ARHGAP24: variants seen among roughly 807,000 people sequenced by gnomAD.
The protein encoded by ARHGAP24 is rho GTPase-activating protein 24.
A neutral mutation model predicts 76.4 loss-of-function variants in ARHGAP24; 50 were observed. The observed-to-expected ratio is 0.65, with a 90% CI of 0.52 to 0.83. The LOEUF (loss-of-function observed/expected upper bound fraction) is 0.83, where lower values mean the gene tolerates loss of function less well. Ranked by LOEUF, ARHGAP24 falls within the 40% of genes least tolerant of loss-of-function variation. ARHGAP24 has a pLI of 0.00. For missense variants in ARHGAP24, 930 were observed against 914.2 expected (o/e 1.02, Z -0.22); for synonymous variants, 345 against 323.3 (o/e 1.07, Z -0.72).
chr4:85,595,795 C>A (rs1333871777), intron 2 of ARHGAP24, among the ~76,000 whole-genome samples: 1 of 151,970 alleles, frequency 6.6e-6, no homozygotes, highest in Non-Finnish European at 1.5e-5. Context: ...TATTCACTTC[C>A]TAAGGAGTCT....
At position 86,002,195 on chromosome 4, in the gene ARHGAP24, A is replaced by C. The variant is rs779505383; in HGVS notation, c.*1473A>C. 9.2e-5 allele frequency: 14 copies of C among 152,204 alleles called. No individual in the cohort carries two copies. The highest frequency in any genetic ancestry group is 1.8e-4 in the Non-Finnish European group (12 of 68,046). The allele number at this position is 152,204 out of a possible 1,614,324, so 9.4% of individuals were successfully genotyped here. ...TGGGGTTTGTGTTGTTTGAAGGTTC[A>C]ATGCTTGCATGTGTTTATTTATTTT... On this transcript the variant is annotated 3_prime_UTR_variant, in exon 10 of 10. Coordinates refer to ENST00000395184, the MANE Select transcript of ARHGAP24 (RefSeq NM_001025616.3).
intron 2 of ARHGAP24, among the ~76,000 whole-genome samples, chr4:85,576,297 G>C (rs1055914394): frequency 3.3e-5 from 5 of 152,154 alleles, no homozygotes; most frequent in African/African-American, 1.2e-4. Flanking sequence ...GGGCATGGTG[G>C]CGGGCGCCTG....
chr4:85,662,360 G>T (rs1384092553), intron 2 of ARHGAP24, among the ~76,000 whole-genome samples: 2 of 150,872 alleles, frequency 1.3e-5, no homozygotes, highest in South Asian at 2.1e-4. Flanking sequence ...TTTTTGATGG[G>T]GTTGTTTGTT....
rs141260742 is a variant in ARHGAP24, at chr4:85,644,134, T to C, written c.180+73413T>C. Among the ~76,000 whole-genome samples, 5 of 152,296 alleles carry C rather than the reference T, an allele frequency of 3.3e-5. No individual in the cohort carries two copies. In the East Asian group the frequency reaches 9.7e-4, roughly 29 times the overall value. On this transcript the variant is annotated intron_variant, in intron 2 of 9. Coordinates refer to ENST00000395184, the MANE Select transcript of ARHGAP24 (RefSeq NM_001025616.3). ...ATGTGAAGGGCAAGTGACTTAAACT[T>C]TGCTGTTTCAGATTTCTCAACTATA... is the stretch of plus-strand genomic sequence containing the variant.
At chr4:85,983,960 T>C (rs1276392730) in intron 8 of ARHGAP24, among the ~76,000 whole-genome samples, 1 of 152,238 alleles carries the variant, frequency 6.6e-6, no homozygotes, top group African/African-American at 2.4e-5. Flanking sequence ...TCAATAAATA[T>C]TCATTAAGCA....
chr4:85,901,988 C>G lies in ARHGAP24; in HGVS notation c.269-21660C>G, dbSNP rs186124524. Among the ~76,000 whole-genome samples the G allele has an allele frequency of 3.7e-4, 56 of 152,192 alleles. 1 individual carries two copies. The highest frequency in any genetic ancestry group is 6.5e-4 in the Non-Finnish European group (44 of 67,988). ...TCTCCCTCCCCTTGCACTCCACCCCCCAACAGGCCTTGGTATGTGATGGTC... is the reference window on the plus strand; with the variant it reads ...TCTCCCTCCCCTTGCACTCCACCCCGCAACAGGCCTTGGTATGTGATGGTC... On this transcript the variant is annotated intron_variant, in intron 3 of 9. Coordinates refer to ENST00000395184, the MANE Select transcript of ARHGAP24 (RefSeq NM_001025616.3).
Position 85,490,685 on chromosome 4 carries a change from G to T in ARHGAP24, c.-21+15126G>T, listed in dbSNP as rs1578182594. On this transcript the variant is annotated intron_variant, in intron 1 of 9. Transcript: ENST00000395184. Reference sequence around the variant, plus strand: ...TTGAGGAAGGTTTTAATTAGCCCTAGCTCTTATTAGAATGATGCATTTACC... The same window carrying T: ...TTGAGGAAGGTTTTAATTAGCCCTATCTCTTATTAGAATGATGCATTTACC... Among the ~76,000 whole-genome samples the T allele has an allele frequency of 2.0e-5, 3 of 152,270 alleles. No individual in the cohort carries two copies. In the East Asian group the frequency reaches 5.8e-4, roughly 29 times the overall value.
At chr4:85,830,374 GCCACTGTGT>G (rs1363873376) in intron 3 of ARHGAP24, among the ~76,000 whole-genome samples, 1 of 152,190 alleles carries the variant, frequency 6.6e-6, no homozygotes, top group Non-Finnish European at 1.5e-5. Flanking sequence ...GGCAGCAAGG[GCCACTGTGT>G]CCATCGTGCC....
At chr4:85,613,810 TAGCCTCCTAGAAAGG>T (rs1348618172) in intron 2 of ARHGAP24, among the ~76,000 whole-genome samples, 1 of 152,218 alleles carries the variant, frequency 6.6e-6, no homozygotes, top group African/African-American at 2.4e-5. Flanking sequence ...TTCATTTTTC[TAGCCTCCTAGAAAGG>T]AGCTTCATGG....
chr4:85,828,204 G>A (rs1012624695), intron 3 of ARHGAP24, among the ~76,000 whole-genome samples: 4 of 152,156 alleles, frequency 2.6e-5, no homozygotes, highest in East Asian at 1.9e-4. Flanking sequence ...AAATGTGATC[G>A]TTATAGTGCA....
chr4:85,603,522 ATG>A (rs767029735), intron 2 of ARHGAP24, among the ~76,000 whole-genome samples: 7 of 152,174 alleles, frequency 4.6e-5, no homozygotes. Flanking sequence ...TAGATATTAG[ATG>A]TGTAAAGGAA....
chr4:85,547,740 A>G (rs1179234622), intron 1 of ARHGAP24, among the ~76,000 whole-genome samples: 1 of 152,180 alleles, frequency 6.6e-6, no homozygotes, highest in Non-Finnish European at 1.5e-5. Flanking sequence ...CTGGCTGGCA[A>G]TGTAAACTTT....
chr4:85,943,516 T>G (rs887346878), intron 5 of ARHGAP24, among the ~76,000 whole-genome samples: 1 of 152,094 alleles, frequency 6.6e-6, no homozygotes, highest in African/African-American at 2.4e-5. Context: ...ACGTGCAGGT[T>G]TGTTACATAG....
intron 2 of ARHGAP24, among the ~76,000 whole-genome samples, chr4:85,700,706 G>C (rs929850459): frequency 3.9e-5 from 6 of 152,142 alleles, no homozygotes; most frequent in Non-Finnish European, 7.3e-5. Flanking sequence ...ATCAAGGTTA[G>C]AAGTCTGAGC....
intron 6 of ARHGAP24, among the ~76,000 whole-genome samples, chr4:85,974,307 T>C (rs543981359): frequency 6.6e-6 from 1 of 152,330 alleles, no homozygotes; most frequent in South Asian, 2.1e-4. Context: ...TCTGGACCTT[T>C]ATGGGCAGAA....
chr4:85,763,102 T>C (rs1023295714), intron 3 of ARHGAP24, among the ~76,000 whole-genome samples: 1 of 152,206 alleles, frequency 6.6e-6, no homozygotes, highest in Non-Finnish European at 1.5e-5. Flanking sequence ...ATCCACTGCC[T>C]GATTCTTATA....
At chr4:85,935,405 C>T (rs1736574918) in intron 4 of ARHGAP24, among the ~76,000 whole-genome samples, 1 of 152,138 alleles carries the variant, frequency 6.6e-6, no homozygotes, top group Non-Finnish European at 1.5e-5. Flanking sequence ...AAAAGGCTGA[C>T]CACAGGCTCC....
chr4:85,612,429 G>T (rs1254098166), intron 2 of ARHGAP24, among the ~76,000 whole-genome samples: 1 of 92,492 alleles, frequency 1.1e-5, no homozygotes, highest in Non-Finnish European at 2.6e-5. Context: ...GGGCAACAGA[G>T]CAAGACTCTG....
intron 8 of ARHGAP24, among the ~76,000 whole-genome samples, chr4:85,979,012 A>T (rs943241502): frequency 6.6e-6 from 1 of 152,152 alleles, no homozygotes; most frequent in African/African-American, 2.4e-5. Flanking sequence ...TTGAAAAATC[A>T]TGTTATTTCA....
Sources: allele counts gnomAD v4.1 joint callset (sites outside exome capture counted in the v4.1 genomes callset), GRCh38; gene constraint gnomAD v4.1.1; transcripts MANE v1.5; gene names NCBI Gene and HGNC (gene_info 2026-07-23, HGNC 2026-07-21).